Variants in RNF24 observed in about 807,000 individuals in gnomAD.
The protein encoded by RNF24 is ring finger protein 24.
Under a neutral mutation model 20.0 loss-of-function variants are expected in RNF24, and 14 were observed. The observed-to-expected ratio is 0.70, with a 90% CI of 0.46 to 1.10. RNF24 has a LOEUF of 1.10. Among genes scored for constraint, RNF24 ranks in the 50% least tolerant of loss-of-function variants. The pLI, the probability that RNF24 is intolerant of heterozygous loss-of-function variation, is 0.00. For synonymous variants in RNF24, 45 were observed against 61.1 expected, an observed-to-expected ratio of 0.74 and a Z score of 1.23; for missense variants, 124 against 177.6, an observed-to-expected ratio of 0.70 and a Z score of 1.71.
intron 2 of RNF24, among the ~76,000 whole-genome samples, chr20:3,955,735 A>G (rs966836813): frequency 6.6e-6 from 1 of 152,186 alleles, no homozygotes; most frequent in Non-Finnish European, 1.5e-5. Context: ...CACTGTAACT[A>G]TATAAAGACG....
At chr20:3,997,789 A>G (rs1167827984) in intron 1 of RNF24, among the ~76,000 whole-genome samples, 2 of 152,228 alleles carry the variant, frequency 1.3e-5, no homozygotes, top group Non-Finnish European at 2.9e-5. Flanking sequence ...AACTAATTAG[A>G]ATACAGGAAA....
intron 1 of RNF24, among the ~76,000 whole-genome samples, chr20:4,010,717 T>C (rs1186430041): frequency 6.6e-6 from 1 of 152,178 alleles, no homozygotes; most frequent in African/African-American, 2.4e-5. Context: ...TAATCCCCTC[T>C]CTCAATGAAC....
intron 1 of RNF24, among the ~76,000 whole-genome samples, chr20:4,012,087 C>A (rs928263944): frequency 6.6e-5 from 10 of 152,220 alleles, no homozygotes; most frequent in Admixed American, 5.2e-4. Context: ...AGCATTATTA[C>A]TGATCTTAGA....
chr20:3,946,559 TGCGCCTGTA>T (rs2091019942), intron 3 of RNF24, among the ~76,000 whole-genome samples: 1 of 151,406 alleles, frequency 6.6e-6, no homozygotes, highest in African/African-American at 2.4e-5. Context: ...GGTGGTGGTG[TGCGCCTGTA>T]GCCCCAGCTA....
intron 2 of RNF24, among the ~76,000 whole-genome samples, chr20:3,959,455 T>C (rs2091177996): frequency 7.9e-6 from 1 of 126,950 alleles, no homozygotes; most frequent in Non-Finnish European, 1.9e-5. Context: ...CCTGTATTCT[T>C]CAAAATTTAT....
intron 1 of RNF24, among the ~76,000 whole-genome samples, chr20:4,000,273 C>T (rs1487871345): frequency 6.6e-6 from 1 of 152,168 alleles, no homozygotes; most frequent in African/African-American, 2.4e-5. Context: ...CCTGTGATCC[C>T]AGCACTTTGG....
At chr20:3,950,817 A>G (rs1485147365) in intron 2 of RNF24, among the ~76,000 whole-genome samples, 1 of 152,232 alleles carries the variant, frequency 6.6e-6, no homozygotes, top group Admixed American at 6.5e-5. Context: ...TAGTATTGAT[A>G]TAACATTGAT....
At chr20:3,942,090 A>C (rs2146950199) in intron 4 of RNF24, among the ~76,000 whole-genome samples, 1 of 151,872 alleles carries the variant, frequency 6.6e-6, no homozygotes, top group Middle Eastern at 3.4e-3. Flanking sequence ...GAAAAAAAAA[A>C]AAGAAAAGAA....
chr20:4,015,345 C>T (rs1982811258), intron 1 of RNF24, 92 bp downstream of exon 1: 1 of 152,092 alleles, frequency 6.6e-6, no homozygotes, highest in Admixed American at 6.5e-5. Flanking sequence ...CCCGCGGTCT[C>T]CTCAGCATCC....
chr20:3,966,507 T>TGTGTGTGTG (rs60638000), intron 1 of RNF24, among the ~76,000 whole-genome samples: 16 of 145,442 alleles, frequency 1.1e-4, no homozygotes, highest in South Asian at 4.3e-4. Context: ...TGTGTGTGTG[T>TGTGTGTGTG]TTGGGGAAAG....
chr20:3,992,008 G>C (rs1313351306), intron 1 of RNF24, among the ~76,000 whole-genome samples: 1 of 151,910 alleles, frequency 6.6e-6, no homozygotes, highest in Non-Finnish European at 1.5e-5. Flanking sequence ...TACTGAGTTG[G>C]AAAATGTACT....
intron 1 of RNF24, among the ~76,000 whole-genome samples, chr20:3,977,084 AAACT>A (rs1294192480): frequency 6.6e-6 from 1 of 152,214 alleles, no homozygotes; most frequent in Non-Finnish European, 1.5e-5. Flanking sequence ...ATATCCAGCC[AAACT>A]ATCTTTCATT....
At chr20:3,956,797 G>T (rs1002208264) in intron 2 of RNF24, among the ~76,000 whole-genome samples, 2 of 152,004 alleles carry the variant, frequency 1.3e-5, no homozygotes, top group Non-Finnish European at 2.9e-5. Flanking sequence ...TAGGGTTTTT[G>T]CTTGTTTTAC....
intron 1 of RNF24, among the ~76,000 whole-genome samples, chr20:4,011,789 T>C (rs1471397884): frequency 6.6e-6 from 1 of 152,226 alleles, no homozygotes; most frequent in Non-Finnish European, 1.5e-5. Flanking sequence ...ATATAAATCC[T>C]GAATACCGAC....
intron 1 of RNF24, among the ~76,000 whole-genome samples, chr20:3,982,102 C>CGT (rs1600688244): frequency 1.3e-5 from 1 of 78,256 alleles, no homozygotes; most frequent in Non-Finnish European, 2.6e-5. Flanking sequence ...GGTGAGACCT[C>CGT]GTCTCTCTCT....
At chr20:3,975,070 T>A (rs931994474) in intron 1 of RNF24, among the ~76,000 whole-genome samples, 2 of 152,088 alleles carry the variant, frequency 1.3e-5, no homozygotes, top group Middle Eastern at 3.2e-3. Flanking sequence ...CATAAGTCAA[T>A]GGAACAAAAT....
At chr20:3,978,187 G>A (rs957463339) in intron 1 of RNF24, among the ~76,000 whole-genome samples, 2 of 151,156 alleles carry the variant, frequency 1.3e-5, no homozygotes, top group South Asian at 4.2e-4. Context: ...ACAGGTGTGT[G>A]CCACCATACC....
intron 2 of RNF24, among the ~76,000 whole-genome samples, chr20:3,962,548 G>A (rs1310956264): frequency 6.7e-6 from 1 of 150,124 alleles, no homozygotes; most frequent in Non-Finnish European, 1.5e-5. Context: ...ATGCTTTGGT[G>A]TTTACAATTA....
At position 3,927,436 on chromosome 20, in the gene RNF24, C is replaced by G. The variant is rs2090739211; in HGVS notation, c.*6627G>C. The G allele has an allele frequency of 6.6e-6, 1 of 152,116 alleles. No individual in the cohort carries two copies. The highest frequency in any genetic ancestry group is 1.5e-5 in the Non-Finnish European group (1 of 68,028). 9.4% of individuals were successfully genotyped at this position (152,116 alleles called of 1,614,324 possible). On this transcript the variant is annotated 3_prime_UTR_variant, in exon 6 of 6. Transcript: ENST00000358395. ...ATTAAATATACAAAAATATAGCTTACAAAAAACTGCGAATGTTTAAAAATA... is the reference window on the plus strand; with the variant it reads ...ATTAAATATACAAAAATATAGCTTAGAAAAAACTGCGAATGTTTAAAAATA...
Sources: gnomAD v4.1 joint callset for allele counts (sites outside exome capture counted in the v4.1 genomes callset) on GRCh38, gnomAD v4.1.1 for gene constraint, MANE v1.5 for transcripts, NCBI Gene and HGNC (gene_info 2026-07-23, HGNC 2026-07-21) for gene names.